The following ZNF735 variants were observed in gnomAD, a reference collection of about 807,000 sequenced individuals.
The protein encoded by ZNF735 is zinc finger protein 735, also known as putative zinc finger protein 735.
Under a neutral mutation model 13.4 loss-of-function variants are expected in ZNF735, and 11 were observed. That is an observed-to-expected ratio of 0.82 (90% confidence interval 0.52 to 1.36). The LOEUF (loss-of-function observed/expected upper bound fraction) is 1.36, where lower values mean the gene tolerates loss of function less well. Ranked by LOEUF, ZNF735 falls within the 40% of genes most tolerant of loss-of-function variation. The pLI is 0.00. For missense variants in ZNF735, 500 were observed against 484.6 expected (o/e 1.03, Z -0.30); for synonymous variants, 171 against 162.6 (o/e 1.05, Z -0.39).
At chr7:64,219,829 A>G in exon 4 of ZNF735, 1 of 1,613,574 alleles carries the variant, frequency 6.2e-7, no homozygotes, top group Non-Finnish European at 8.5e-7. Flanking sequence ...TACTAGACAT[A>G]AGAGAATTCA....
intron 1 of ZNF735, among the ~76,000 whole-genome samples, chr7:64,212,193 A>G (rs887374114): frequency 3.3e-5 from 5 of 152,150 alleles, no homozygotes; most frequent in Non-Finnish European, 7.4e-5. Context: ...ACTTTTGCAT[A>G]TATTTGTCTT....
chr7:64,211,468 C>G (rs1787359426), intron 1 of ZNF735, among the ~76,000 whole-genome samples: 1 of 152,132 alleles, frequency 6.6e-6, no homozygotes, highest in African/African-American at 2.4e-5. Flanking sequence ...GATACTTGCT[C>G]TCCAGGGTGC....
chr7:64,219,222 A>T (rs1787456933), intron 3 of ZNF735, 92 bp from the exon 4 acceptor site: 2 of 1,476,134 alleles, frequency 1.4e-6, no homozygotes, highest in Non-Finnish European at 1.8e-6. Flanking sequence ...CATTTTGCTA[A>T]TGTACCTTGA....
At chr7:64,213,347 T>C (rs1787382958) in intron 2 of ZNF735, 129 bp downstream of exon 2, 5 of 915,140 alleles carry the variant, frequency 5.5e-6, no homozygotes, top group Non-Finnish European at 6.5e-6. Context: ...TGGGGATTCA[T>C]TGGTGTAGAT....
At chr7:64,217,849 C>T (rs1021963776) in intron 3 of ZNF735, among the ~76,000 whole-genome samples, 9 of 151,706 alleles carry the variant, frequency 5.9e-5, no homozygotes, top group African/African-American at 2.2e-4. Context: ...AAAAATTTGT[C>T]CTCATTATAT....
chr7:64,218,012 A>C (rs984221486), intron 3 of ZNF735, among the ~76,000 whole-genome samples: 1 of 152,090 alleles, frequency 6.6e-6, no homozygotes, highest in South Asian at 2.1e-4. Flanking sequence ...TTGTATATGC[A>C]TATGTTTTTC....
At chr7:64,210,446 G>A (rs1000205638) in intron 1 of ZNF735, among the ~76,000 whole-genome samples, 2 of 152,154 alleles carry the variant, frequency 1.3e-5, no homozygotes, top group South Asian at 2.1e-4. Flanking sequence ...AGCATTTACA[G>A]GGGACTTGTT....
intron 1 of ZNF735, among the ~76,000 whole-genome samples, chr7:64,211,022 ATC>A: frequency 6.6e-6 from 1 of 152,318 alleles, no homozygotes; most frequent in South Asian, 2.1e-4. Flanking sequence ...TTGGAATGCC[ATC>A]TGTTTGGAAA....
chr7:64,209,344 T>C (rs111894742), intron 1 of ZNF735, among the ~76,000 whole-genome samples: 5,835 of 143,974 alleles, frequency 0.041, 180 homozygotes, highest in East Asian at 0.17. Context: ...CTTCTGGTTT[T>C]GTTGAACTTT....
rs71060562 is a variant in ZNF735 at position 64,208,244 on chromosome 7, G to GTTTTTTTTTTT, written c.39+1023_39+1033dup. On this transcript the variant is annotated intron_variant, in intron 1 of 3. Coordinates refer to ENST00000429565, the Ensembl canonical transcript of ZNF735. ...TTCAAGATAGTAATCTCCAATAAATGTTTTTTTTTTTTTTTTTTTTTTTTT... is the reference window on the plus strand; with the variant it reads ...TTCAAGATAGTAATCTCCAATAAATGTTTTTTTTTTTTTTTTTTTTTTTTTTTTTTTTTTTT... Among the ~76,000 whole-genome samples the GTTTTTTTTTTT allele has an allele frequency of 2.3e-4, 21 of 93,080 alleles. 3 individuals carry two copies. The highest frequency in any genetic ancestry group is 5.4e-4 in the African/African-American group (13 of 24,066). 61.1% of individuals were successfully genotyped at this position (93,080 alleles called of 152,430 possible).
In ZNF735 at chr7:64,219,787, T is replaced by C. The variant is rs573112380; in HGVS notation, c.736T>C (p.Cys246Arg). The change falls in exon 4 of 4, where the codon TGT becomes CGT. Residue 246 changes from cysteine to arginine, a missense_variant. Cys to Arg is a radical substitution (Grantham distance 180). Transcript: ENST00000429565. ...AGAGAAACCCTACAGATGTGAGGAA[T>C]GTGGCAAAGCCTTTAGGTGGCCCTC... The C allele has an allele frequency of 8.2e-4, 1,319 of 1,612,242 alleles. 1 individual carries two copies. Among genetic ancestry groups the C allele is most frequent in the Non-Finnish European group, 1.1e-3 (1,284 of 1,179,126 alleles).
intron 3 of ZNF735, among the ~76,000 whole-genome samples, chr7:64,217,782 T>G (rs1049827250): frequency 6.6e-5 from 10 of 152,092 alleles, no homozygotes; most frequent in African/African-American, 2.4e-4. Context: ...ATAAAACCTC[T>G]TAATGTTACA....
At chr7:64,217,468 G>GT (rs577290571) in intron 3 of ZNF735, among the ~76,000 whole-genome samples, 53 of 150,952 alleles carry the variant, frequency 3.5e-4, no homozygotes, top group Non-Finnish European at 5.9e-4. Context: ...CAGGTTTTCT[G>GT]TTTTTTTTAA....
Position 64,219,936 on chromosome 7 carries a change from AC to A in ZNF735, c.888del (p.Tyr297ThrfsTer49). 6.2e-7 allele frequency: 1 copy of A among 1,613,852 alleles called. No homozygotes were observed. Among genetic ancestry groups the A allele is most frequent in the Non-Finnish European group, 8.5e-7 (1 of 1,179,934 alleles). On this transcript the variant is annotated frameshift_variant, in exon 4 of 4. Coordinates refer to ENST00000429565, the Ensembl canonical transcript of ZNF735. LOFTEE classifies it low-confidence loss of function (END_TRUNC). Reference sequence around the variant, plus strand: ...ACAAGAGAATTCATACTGGAGAGAGACCCTACAAATGTGAAGAATGTGGCAA... The same window carrying A: ...ACAAGAGAATTCATACTGGAGAGAGACCTACAAATGTGAAGAATGTGGCAA...
At chr7:64,209,447 A>G (rs771570163) in intron 1 of ZNF735, among the ~76,000 whole-genome samples, 1 of 151,014 alleles carries the variant, frequency 6.6e-6, no homozygotes, top group African/African-American at 2.4e-5. Context: ...TCCATTTTTC[A>G]AGCGATTCTC....
intron 1 of ZNF735, 75 bp downstream of exon 1, chr7:64,207,316 C>A: frequency 1.2e-6 from 2 of 1,613,602 alleles, no homozygotes; most frequent in African/African-American, 1.3e-5. Context: ...TGCAGCAGGA[C>A]CCATACTTCC....
intron 1 of ZNF735, 78 bp downstream of exon 1, chr7:64,207,319 A>C (rs1290958066): frequency 6.2e-7 from 1 of 1,613,638 alleles, no homozygotes; most frequent in Non-Finnish European, 8.5e-7. Context: ...AGCAGGACCC[A>C]TACTTCCTCG....
chr7:64,214,201 C>A, intron 3 of ZNF735, 93 bp downstream of exon 3: 1 of 1,304,768 alleles, frequency 7.7e-7, no homozygotes, highest in Non-Finnish European at 1.0e-6. Flanking sequence ...CAGAGCTGTG[C>A]TTTTATGGAA....
At chr7:64,214,405 C>T (rs1787395480) in intron 3 of ZNF735, among the ~76,000 whole-genome samples, 1 of 152,096 alleles carries the variant, frequency 6.6e-6, no homozygotes, top group South Asian at 2.1e-4. Flanking sequence ...AAACTGACTA[C>T]TTTGCCATTG....
Sources: allele counts gnomAD v4.1 joint callset (sites outside exome capture counted in the v4.1 genomes callset), GRCh38; gene constraint gnomAD v4.1.1; transcripts MANE v1.5; gene names NCBI Gene and HGNC (gene_info 2026-07-23, HGNC 2026-07-21).